The following CCDC61 variants were observed in gnomAD, a reference collection of about 807,000 sequenced individuals.
CCDC61 encodes centrosomal protein CCDC61.
CCDC61 carries 55 observed loss-of-function variants against 63.0 expected under a neutral mutation model. The ratio of observed to expected loss-of-function variants is 0.87; its 90% CI spans 0.70 to 1.09. The LOEUF is 1.09. Among genes scored for constraint, CCDC61 ranks in the 50% least tolerant of loss-of-function variants. CCDC61 has a pLI of 0.00. For synonymous variants in CCDC61, 270 were observed against 317.0 expected (o/e 0.85, Z 1.58); for missense variants, 651 against 731.4 (o/e 0.89, Z 1.27).
rs200544702 is a variant in CCDC61 at position 46,018,338 on chromosome 19, G to A, written c.1490G>A (p.Arg497His). 4.2e-5 allele frequency: 67 copies of A among 1,576,920 alleles called. No individual in the cohort carries two copies. Among genetic ancestry groups the A allele is most frequent in the Middle Eastern group, 1.7e-4 (1 of 6,050 alleles). ...QAADMAEIDA[R>H]LKALQEYMNR... ...GCTGACATGGCCGAAATAGACGCAC[G>A]CCTGAAGGCCTTGCAGGAGTACATG... The change falls in exon 14 of 14, where the codon CGC (arginine) becomes CAC (histidine). Residue 497 changes from arginine to histidine, a missense_variant. Arg to His is a conservative substitution (Grantham distance 29). Transcript: ENST00000595358. The surrounding 1 kb of genome is among the most constrained non-coding windows in gnomAD (Gnocchi z 4.2).
rs1968990918 is a variant in CCDC61, at chr19:46,018,260, C to G, written c.1442-30C>G. 1 of 1,551,428 alleles carries G rather than the reference C, an allele frequency of 6.4e-7. No homozygotes were observed. Among genetic ancestry groups the G allele is most frequent in the Non-Finnish European group, 8.7e-7 (1 of 1,145,566 alleles). On this transcript the variant is annotated intron_variant, in intron 13 of 13. Transcript: ENST00000595358. This position sits in a 1 kb window ranked among gnomAD's most constrained non-coding sequence, Gnocchi z 4.2. ...ACTCCCTGGGGCTTCAGGCCCCTCA[C>G]AGCCCCCATACCCACACCTGCTCTC...
intron 3 of CCDC61, 37 bp downstream of exon 3, chr19:46,003,538 G>A: frequency 1.5e-6 from 2 of 1,354,336 alleles, no homozygotes; most frequent in South Asian, 1.2e-5. Flanking sequence ...TGGGAGGGGG[G>A]TTCTGTCTTC....
chr19:46,018,128 CG>C lies in CCDC61; in HGVS notation c.1424del (p.Gly475AlafsTer20). The C allele has an allele frequency of 6.2e-7, 1 of 1,609,104 alleles. No individual in the cohort carries two copies. The highest frequency in any genetic ancestry group is 8.5e-7 in the Non-Finnish European group (1 of 1,177,982). On this transcript the variant is annotated frameshift_variant, in exon 13 of 14. Coordinates refer to ENST00000595358, the MANE Select transcript of CCDC61 (RefSeq NM_001267723.2). LOFTEE classifies it high-confidence loss of function. The surrounding 1 kb of genome is among the most constrained non-coding windows in gnomAD (Gnocchi z 4.2). ...SHHQKSLANS[G>X]GWVPIKEYSS... is the part of the protein sequence containing the mutation. The stretch of plus-strand genomic sequence containing the variant: ...ACCATCAGAAATCTCTGGCCAACTC[CG>C]GGGGCTGGGTCCCCATCAAAGGTGA...
chr19:46,003,707 G>A (rs182824650), intron 3 of CCDC61, among the ~76,000 whole-genome samples: 41 of 152,194 alleles, frequency 2.7e-4, no homozygotes, highest in Middle Eastern at 3.4e-3. Context: ...TTAGGTCACA[G>A]AGAAATATAA....
At chr19:46,013,712 C>G (rs1968871286) in intron 5 of CCDC61, among the ~76,000 whole-genome samples, 2 of 151,612 alleles carry the variant, frequency 1.3e-5, no homozygotes, top group Non-Finnish European at 2.9e-5. Flanking sequence ...ACTAAACATA[C>G]AAAAATTAGC....
In CCDC61 at chr19:45,999,456, C is replaced by T. The variant is rs572693103; in HGVS notation, c.-11-3552C>T. Among the ~76,000 whole-genome samples the T allele has an allele frequency of 1.1e-4, 16 of 152,170 alleles. 1 individual carries two copies. The East Asian group carries it at 3.1e-3, about 29-fold the overall frequency. On this transcript the variant is annotated intron_variant, in intron 1 of 13. Coordinates refer to ENST00000595358, the MANE Select transcript of CCDC61 (RefSeq NM_001267723.2). Reference sequence around the variant, plus strand: ...GCGGAGGGCTGCTGCAGGAGAGAGCCCATCTAGGGTATGGCTGGGCTGGAA... The same window carrying T: ...GCGGAGGGCTGCTGCAGGAGAGAGCTCATCTAGGGTATGGCTGGGCTGGAA...
intron 1 of CCDC61, among the ~76,000 whole-genome samples, chr19:45,999,677 G>A (rs1600638896): frequency 6.6e-6 from 1 of 152,230 alleles, no homozygotes; most frequent in Non-Finnish European, 1.5e-5. Flanking sequence ...TCTGGGGAGA[G>A]CCATTTGGAA....
chr19:46,008,139 G>A lies in CCDC61; in HGVS notation c.390-1G>A. The stretch of plus-strand genomic sequence containing the variant: ...CCACGGTTTTAATCCTCCCTCCTCA[G>A]GATTCACTACCCGCTGCCCCTCCCG... On this transcript the variant is annotated splice_acceptor_variant, in intron 4 of 13. Coordinates refer to ENST00000595358, the MANE Select transcript of CCDC61 (RefSeq NM_001267723.2). LOFTEE classifies it high-confidence loss of function. The A allele has an allele frequency of 6.2e-7, 1 of 1,606,194 alleles. No homozygotes were observed. The highest frequency in any genetic ancestry group is 2.2e-5 in the East Asian group (1 of 44,706).
intron 1 of CCDC61, among the ~76,000 whole-genome samples, chr19:45,997,666 C>A (rs936854015): frequency 6.6e-6 from 1 of 150,434 alleles, no homozygotes; most frequent in Non-Finnish European, 1.5e-5. Flanking sequence ...GCTGAGATTA[C>A]AGGCGTGAGC....
chr19:46,006,432 C>T (rs1968710669), intron 3 of CCDC61, 127 bp from the exon 4 acceptor site: 1 of 863,764 alleles, frequency 1.2e-6, no homozygotes, highest in East Asian at 2.8e-5. Flanking sequence ...TGTTGATTGC[C>T]AGCCTTCGCG....
At chr19:46,001,474 TC>T (rs1177670760) in intron 1 of CCDC61, among the ~76,000 whole-genome samples, 1 of 152,182 alleles carries the variant, frequency 6.6e-6, no homozygotes, top group Non-Finnish European at 1.5e-5. Flanking sequence ...TCCACCCTCC[TC>T]GGCCTCCCAA....
At chr19:46,017,999 C>A in intron 12 of CCDC61, 79 bp from the exon 13 acceptor site, 1 of 1,311,410 alleles carries the variant, frequency 7.6e-7, no homozygotes, top group South Asian at 1.4e-5. Context: ...TCCTTAGGCT[C>A]AGGATTTCCA....
At chr19:46,009,816 ATGTGTGTGTG>A (rs761965873) in intron 5 of CCDC61, among the ~76,000 whole-genome samples, 6 of 113,208 alleles carry the variant, frequency 5.3e-5, no homozygotes, top group South Asian at 4.9e-4. Context: ...GTGTGTGTGT[ATGTGTGTGTG>A]TGTGTGTGTG....
Position 46,018,072 on chromosome 19 carries a change from CA to C in CCDC61, c.1369-5del, listed in dbSNP as rs1345688895. On this transcript the variant is annotated splice_region_variant and splice_polypyrimidine_tract_variant and intron_variant, in intron 12 of 13. Transcript: ENST00000595358. This position sits in a 1 kb window ranked among gnomAD's most constrained non-coding sequence, Gnocchi z 4.2. ...TGACCCCCTTTCCTACCTTCCCCAT[CA>C]CCAGAAGTCTCCCCCCGTGGAACGC... The C allele has an allele frequency of 3.7e-6, 6 of 1,607,672 alleles. No individual in the cohort carries two copies. Among genetic ancestry groups the C allele is most frequent in the Non-Finnish European group, 5.1e-6 (6 of 1,177,360 alleles).
In CCDC61 at chr19:46,016,974, C is replaced by T; in HGVS notation, c.1232-17C>T. ...GGCCAGCGAGGGCCAGCGGTCACGC[C>T]CTCCGTCTCCCTCTAGTGGACAGTT... On this transcript the variant is annotated splice_polypyrimidine_tract_variant and intron_variant, in intron 10 of 13. Coordinates refer to ENST00000595358, the MANE Select transcript of CCDC61 (RefSeq NM_001267723.2). This position sits in a 1 kb window ranked among gnomAD's most constrained non-coding sequence, Gnocchi z 7.2. The T allele has an allele frequency of 6.2e-7, 1 of 1,605,754 alleles. No homozygotes were observed. Among genetic ancestry groups the T allele is most frequent in the Middle Eastern group, 1.8e-4 (1 of 5,508 alleles).
chr19:46,016,101 C>A lies in CCDC61; in HGVS notation c.893C>A (p.Ala298Asp), dbSNP rs1968926692. Residue 298 changes from alanine to aspartate, a missense_variant, in exon 8 of 14, where the codon GCC becomes GAC. Physicochemically the swap from Ala to Asp is moderately radical, Grantham distance 126 (BLOSUM62 -2). Coordinates refer to ENST00000595358, the MANE Select transcript of CCDC61 (RefSeq NM_001267723.2). This position sits in a 1 kb window ranked among gnomAD's most constrained non-coding sequence, Gnocchi z 7.2. ...CCGCCCCCGACGCGGGAGGACCGGG[C>A]CTCATCGTCCCGGGAGCGCTCCGCG... Reference protein sequence around the residue: ...VQPPPTREDRASSSRERSASR... With the variant: ...VQPPPTREDRDSSSRERSASR... 20 of 1,237,588 alleles carry A rather than the reference C, an allele frequency of 1.6e-5. No homozygotes were observed. Among genetic ancestry groups the A allele is most frequent in the Non-Finnish European group, 2.0e-5 (20 of 992,316 alleles). 76.7% of individuals were successfully genotyped at this position (1,237,588 alleles called of 1,614,324 possible). A position where few individuals can be genotyped will look rare whatever the true frequency, so the allele number is the denominator to read the frequency against.
intron 5 of CCDC61, among the ~76,000 whole-genome samples, chr19:46,013,857 C>T (rs1445686919): frequency 6.8e-6 from 1 of 146,772 alleles, no homozygotes; most frequent in Admixed American, 6.8e-5. Flanking sequence ...CAGAGCAAGA[C>T]TCCGTCTCAG....
chr19:46,015,501 CTAAGGGGGCGGGGCG>C lies in CCDC61; in HGVS notation c.845+75_845+89del. The C allele has an allele frequency of 1.6e-6, 1 of 610,510 alleles. No homozygotes were observed. The allele number at this position is 610,510 out of a possible 1,614,324, so 37.8% of individuals were successfully genotyped here. A position where few individuals can be genotyped will look rare whatever the true frequency, so the allele number is the denominator to read the frequency against. ...GGTGTGGAGGCTGATGAGGCGGAGC[CTAAGGGGGCGGGGCG>C]GGGCCAGGTAGGGTGGAGGGGGCGG... On this transcript the variant is annotated intron_variant, in intron 7 of 13. Transcript: ENST00000595358. The surrounding 1 kb of genome is among the most constrained non-coding windows in gnomAD (Gnocchi z 5.3).
At chr19:46,008,335 T>TGGGGGGGGGGGGGGGGGGGGGGGGGGG in intron 5 of CCDC61, 34 bp downstream of exon 5, 1 of 499,170 alleles carries the variant, frequency 2.0e-6, no homozygotes, top group Non-Finnish European at 4.0e-6. Context: ...CTGGGGCGGG[T>TGGGGGGGGGGGGGGGGGGGGGGGGGGG]GGGGGCCCTC....
Sources: gnomAD v4.1 joint callset for allele counts (sites outside exome capture counted in the v4.1 genomes callset) on GRCh38, gnomAD v4.1.1 for gene constraint, Gnocchi (gnomAD v3.1) non-coding constraint, MANE v1.5 for transcripts, NCBI Gene and HGNC (gene_info 2026-07-23, HGNC 2026-07-21) for gene names.